SPMIP10: variants seen among roughly 807,000 people sequenced by gnomAD.
SPMIP10 encodes the protein sperm microtubule inner protein 10, also known as sperm-associated microtubule inner protein 10.
the SPMIP10 span, among the ~76,000 whole-genome samples, chr5:126,634,025 T>C: frequency 6.6e-6 from 1 of 152,314 alleles, no homozygotes; most frequent in Admixed American, 6.5e-5. Flanking sequence ...CTGTAGAAGA[T>C]AGTGAGACCA....
the SPMIP10 span, among the ~76,000 whole-genome samples, chr5:126,635,512 A>G: frequency 2.0e-5 from 3 of 152,136 alleles, no homozygotes; most frequent in Non-Finnish European, 2.9e-5. Context: ...AGTGAAGCTA[A>G]AGTTCAACAA....
At chr5:126,635,611 AG>A in the SPMIP10 span, among the ~76,000 whole-genome samples, 1 of 152,192 alleles carries the variant, frequency 6.6e-6, no homozygotes, top group African/African-American at 2.4e-5. Context: ...CTTTTAGAAA[AG>A]GGATGTTCCT....
the SPMIP10 span, among the ~76,000 whole-genome samples, chr5:126,632,812 C>T: frequency 6.6e-6 from 1 of 151,694 alleles, no homozygotes; most frequent in Non-Finnish European, 1.5e-5. Context: ...ACTGGCGGAA[C>T]CCCATCTCTA....
At chr5:126,635,853 G>A in the SPMIP10 span, among the ~76,000 whole-genome samples, 2 of 152,022 alleles carry the variant, frequency 1.3e-5, no homozygotes, top group Admixed American at 1.3e-4. Context: ...GTATAGATGG[G>A]GTCTTGCTCT....
chr5:126,636,115 A>C, the SPMIP10 span: 1 of 1,614,144 alleles, frequency 6.2e-7, no homozygotes, highest in Non-Finnish European at 8.5e-7. Context: ...GCCATGGGGA[A>C]GATCGTAAAG....
chr5:126,632,799 C>A, the SPMIP10 span: 1 of 555,470 alleles, frequency 1.8e-6, no homozygotes, highest in Admixed American at 2.9e-5. Flanking sequence ...ACCAGCCTAG[C>A]CAACTGGCGG....
chr5:126,633,905 T>A, the SPMIP10 span, among the ~76,000 whole-genome samples: 1 of 152,086 alleles, frequency 6.6e-6, no homozygotes, highest in Non-Finnish European at 1.5e-5. Flanking sequence ...GCGATTCTCC[T>A]GCCTCAGCCT....
the SPMIP10 span, chr5:126,636,019 T>G: frequency 1.9e-6 from 3 of 1,601,922 alleles, no homozygotes; most frequent in Admixed American, 5.0e-5. Flanking sequence ...CAGAAGATTT[T>G]CTTTTCTCTT....
At chr5:126,632,586 G>A in the SPMIP10 span, 1 of 1,612,230 alleles carries the variant, frequency 6.2e-7, no homozygotes, top group Non-Finnish European at 8.5e-7. Context: ...ATTAAAGCAA[G>A]GGATGATCCC....
chr5:126,633,092 CACA>C, the SPMIP10 span, among the ~76,000 whole-genome samples: 2 of 148,914 alleles, frequency 1.3e-5, no homozygotes, highest in African/African-American at 5.0e-5. Flanking sequence ...GATGTACTGT[CACA>C]AACTTGCAAA....
the SPMIP10 span, among the ~76,000 whole-genome samples, chr5:126,635,160 C>T: frequency 7.9e-6 from 1 of 126,294 alleles, no homozygotes; most frequent in Non-Finnish European, 1.6e-5. Context: ...AGACTGAGGC[C>T]CCGTCTGTGA....
chr5:126,634,708 A>G, the SPMIP10 span, among the ~76,000 whole-genome samples: 1 of 152,174 alleles, frequency 6.6e-6, no homozygotes, highest in Non-Finnish European at 1.5e-5. Flanking sequence ...TACTTTTGCA[A>G]TTTAGTTGAC....
At chr5:126,633,814 C>A in the SPMIP10 span, among the ~76,000 whole-genome samples, 1 of 152,022 alleles carries the variant, frequency 6.6e-6, no homozygotes, top group Non-Finnish European at 1.5e-5. Context: ...CAGGCACATG[C>A]CACCATGCCC....
chr5:126,631,850 TG>T, the SPMIP10 span: 1 of 1,469,072 alleles, frequency 6.8e-7, no homozygotes, highest in Non-Finnish European at 9.5e-7. Flanking sequence ...TGGGGTTTTT[TG>T]TTTGCTTGTT....
chr5:126,632,931 A>G, the SPMIP10 span, among the ~76,000 whole-genome samples: 1 of 150,714 alleles, frequency 6.6e-6, no homozygotes, highest in Non-Finnish European at 1.5e-5. Context: ...AGGTTGCAGT[A>G]AGCCAAGATT....
chr5:126,633,032 T>TAA, the SPMIP10 span, among the ~76,000 whole-genome samples: 19 of 146,478 alleles, frequency 1.3e-4, no homozygotes, highest in South Asian at 2.1e-4. Flanking sequence ...TATATATATA[T>TAA]AATTTAGTAT....
At chr5:126,633,432 C>T in the SPMIP10 span, among the ~76,000 whole-genome samples, 33 of 152,106 alleles carry the variant, frequency 2.2e-4, no homozygotes, top group African/African-American at 7.2e-4. Context: ...GTGATCACAG[C>T]TCACTGCAGC....
At chr5:126,634,182 A>G in the SPMIP10 span, among the ~76,000 whole-genome samples, 1 of 152,190 alleles carries the variant, frequency 6.6e-6, no homozygotes, top group Admixed American at 6.5e-5. Context: ...CTGTGATCCT[A>G]GCACTTTGGG....
At chr5:126,632,775 G>A in the SPMIP10 span, 115 of 609,592 alleles carry the variant, frequency 1.9e-4, no homozygotes, top group African/African-American at 1.9e-3. Flanking sequence ...ATCACTTGAG[G>A]TCAGGAGTTC....
Sources: allele counts gnomAD v4.1 joint callset (sites outside exome capture counted in the v4.1 genomes callset), GRCh38; gene constraint gnomAD v4.1.1; transcripts MANE v1.5; gene names NCBI Gene and HGNC (gene_info 2026-07-23, HGNC 2026-07-21).